The following DMRT1 variants were observed in gnomAD, a reference collection of about 807,000 sequenced individuals.
DMRT1 encodes the protein doublesex and mab-3 related transcription factor 1, also known as doublesex- and mab-3-related transcription factor 1.
Under a neutral mutation model 32.3 loss-of-function variants are expected in DMRT1, and 7 were observed. The ratio of observed to expected loss-of-function variants is 0.22; its 90% CI spans 0.12 to 0.41. The LOEUF is 0.41. Among genes scored for constraint, DMRT1 ranks in the 10% least tolerant of loss-of-function variants. The pLI is 1.00. For synonymous variants in DMRT1, 278 were observed against 206.1 expected, an observed-to-expected ratio of 1.35 and a Z score of -2.99; for missense variants, 625 against 500.5, an observed-to-expected ratio of 1.25 and a Z score of -2.37.
At chr9:844,556 T>G (rs1300098814) in intron 1 of DMRT1, among the ~76,000 whole-genome samples, 1 of 151,994 alleles carries the variant, frequency 6.6e-6, no homozygotes, top group Non-Finnish European at 1.5e-5. Context: ...TAAGCTTAAT[T>G]ATTTAATTTT....
intron 4 of DMRT1, among the ~76,000 whole-genome samples, chr9:961,217 G>A (rs1448314638): frequency 2.0e-5 from 3 of 152,110 alleles, no homozygotes; most frequent in African/African-American, 7.2e-5. Context: ...ATTCCCTTTA[G>A]TAACAACATC....
intron 2 of DMRT1, among the ~76,000 whole-genome samples, chr9:866,065 G>A (rs1564207923): frequency 6.7e-6 from 1 of 149,996 alleles, no homozygotes; most frequent in African/African-American, 2.4e-5. Context: ...TCAGGAGGCT[G>A]AGGCAGGAGA....
chr9:947,345 G>T (rs1819279571), intron 4 of DMRT1, among the ~76,000 whole-genome samples: 1 of 152,024 alleles, frequency 6.6e-6, no homozygotes, highest in African/African-American at 2.4e-5. Context: ...TTCCAATGTG[G>T]CCCAGGGAAG....
rs78134433 is a variant in DMRT1, at chr9:911,827, A to G, written c.823-4936A>G. Among the ~76,000 whole-genome samples the G allele has an allele frequency of 5.6e-3, 859 of 152,244 alleles. 12 individuals are homozygous for G. The highest frequency in any genetic ancestry group is 0.019 in the African/African-American group (784 of 41,540). On this transcript the variant is annotated intron_variant, in intron 3 of 4. Transcript: ENST00000382276. Reference sequence around the variant, plus strand: ...GTTTTAACATCCTGTTTATATTGCTACACATGCACTTAGAAACACATAGAA... The same window carrying G: ...GTTTTAACATCCTGTTTATATTGCTGCACATGCACTTAGAAACACATAGAA...
At chr9:901,450 C>G (rs563003917) in intron 3 of DMRT1, among the ~76,000 whole-genome samples, 1 of 152,188 alleles carries the variant, frequency 6.6e-6, no homozygotes, top group South Asian at 2.1e-4. Flanking sequence ...CCTCAGCCTT[C>G]CAAGTAGCTG....
intron 4 of DMRT1, among the ~76,000 whole-genome samples, chr9:918,566 A>G (rs191302386): frequency 1.8e-4 from 27 of 152,340 alleles, no homozygotes; most frequent in African/African-American, 6.5e-4. Flanking sequence ...CAGGGAAAGA[A>G]GAATAGGTGA....
chr9:894,168 G>A lies in DMRT1; in HGVS notation c.795G>A (p.Val265=), dbSNP rs775308239. 6.2e-7 allele frequency: 1 copy of A among 1,613,892 alleles called. No homozygotes were observed. Among genetic ancestry groups the A allele is most frequent in the Non-Finnish European group, 8.5e-7 (1 of 1,180,054 alleles). The part of the protein sequence containing the change: ...NSLRGLPGPY[V]PGQTGNQWQM... ...TTCGGGGCCTCCCCGGACCTTATGT[G>A]CCTGGTCAGACAGGAAACCAGTGGC... The change falls in exon 3 of 5, where the codon GTG becomes GTA. Residue 265 remains valine (V), a synonymous_variant. Transcript: ENST00000382276.
chr9:868,489 G>A (rs1341865283), intron 2 of DMRT1, among the ~76,000 whole-genome samples: 1 of 152,142 alleles, frequency 6.6e-6, no homozygotes, highest in Non-Finnish European at 1.5e-5. Flanking sequence ...GTCATTGCAA[G>A]AAGTTACCAA....
intron 1 of DMRT1, among the ~76,000 whole-genome samples, chr9:845,550 G>C (rs1388453557): frequency 2.0e-5 from 3 of 152,114 alleles, no homozygotes; most frequent in Admixed American, 2.0e-4. Context: ...GGACCATGAA[G>C]AGCTTCTTGG....
At chr9:924,096 G>T in intron 4 of DMRT1, among the ~76,000 whole-genome samples, 1 of 110,382 alleles carries the variant, frequency 9.1e-6, no homozygotes, top group African/African-American at 3.2e-5. Context: ...TTTCCACCTG[G>T]AGTCTCTCTC....
At chr9:865,663 G>C (rs907462372) in intron 2 of DMRT1, among the ~76,000 whole-genome samples, 1 of 151,962 alleles carries the variant, frequency 6.6e-6, no homozygotes, top group South Asian at 2.1e-4. Context: ...TTACATCTTT[G>C]GGTGAGGATT....
intron 4 of DMRT1, among the ~76,000 whole-genome samples, chr9:960,651 G>A (rs939307589): frequency 1.3e-5 from 2 of 152,282 alleles, no homozygotes; most frequent in South Asian, 2.1e-4. Context: ...ATTCTCAGAC[G>A]GTGGCTGCTC....
At position 894,051 on chromosome 9, in the gene DMRT1, C is replaced by T. The variant is rs1307432556; in HGVS notation, c.678C>T (p.Tyr226=). 2 of 1,614,254 alleles carry T rather than the reference C, an allele frequency of 1.2e-6. No homozygotes were observed. Among genetic ancestry groups the T allele is most frequent in the Non-Finnish European group, 8.5e-7 (1 of 1,180,046 alleles). ...TGTTTCCTTATTACAACAATCTATA[C>T]AACTGCCCGCAGTACTCCATGGCCT... ...PSLFPYYNNL[Y]NCPQYSMALA... is the part of the protein sequence containing the mutation. The change falls in exon 3 of 5, where the codon TAC becomes TAT. Residue 226 remains tyrosine, a synonymous_variant. Transcript: ENST00000382276.
chr9:924,560 C>A (rs911932206), intron 4 of DMRT1, among the ~76,000 whole-genome samples: 2 of 152,064 alleles, frequency 1.3e-5, no homozygotes, highest in African/African-American at 2.4e-5. Context: ...AGGTGCCTGG[C>A]AGTGGGCTGT....
chr9:894,587 C>T (rs1817280386), intron 3 of DMRT1: 2 of 307,282 alleles, frequency 6.5e-6, no homozygotes, highest in Non-Finnish European at 1.3e-5. Context: ...TTTGTCCCCA[C>T]TTTCGTTGGG....
chr9:958,252 C>CAT lies in DMRT1; in HGVS notation c.968-9730_968-9729dup, dbSNP rs146146778. ...ATGCAATCCTCTACCGTGCTACTAGCATATCATTTGTGCCACAATATTTAT... is the reference window on the plus strand; with the variant it reads ...ATGCAATCCTCTACCGTGCTACTAGCATATATCATTTGTGCCACAATATTTAT... On this transcript the variant is annotated intron_variant, in intron 4 of 4. Coordinates refer to ENST00000382276, the MANE Select transcript of DMRT1 (RefSeq NM_021951.3). Among the ~76,000 whole-genome samples the CAT allele has an allele frequency of 4.7e-3, 718 of 152,264 alleles. 18 individuals are homozygous for CAT. Among genetic ancestry groups the CAT allele is most frequent in the Admixed American group, 0.033 (503 of 15,284 alleles).
chr9:907,862 A>G (rs1817835490), intron 3 of DMRT1, among the ~76,000 whole-genome samples: 3 of 139,154 alleles, frequency 2.2e-5, no homozygotes, highest in Non-Finnish European at 3.1e-5. Context: ...TGTGTGTTAT[A>G]TGTATATAAC....
intron 2 of DMRT1, among the ~76,000 whole-genome samples, chr9:876,935 C>G (rs995968412): frequency 1.3e-5 from 2 of 152,150 alleles, no homozygotes; most frequent in African/African-American, 4.8e-5. Context: ...CTGCCTCAGC[C>G]ATGGTCCCAC....
rs939989302 is a variant in DMRT1 at position 841,780 on chromosome 9, C to A, written c.-59C>A. 18 of 1,560,742 alleles carry A rather than the reference C, an allele frequency of 1.2e-5. No individual in the cohort carries two copies. Among genetic ancestry groups the A allele is most frequent in the Non-Finnish European group, 1.3e-5 (15 of 1,153,382 alleles). On this transcript the variant is annotated 5_prime_UTR_variant, in exon 1 of 5. Transcript: ENST00000382276. The stretch of plus-strand genomic sequence containing the variant: ...GTCGCTGTCCGTCGGGTTCATCCCT[C>A]GCAGCAGTCTCCAGGCGAGAGAGGG...
Sources: gnomAD v4.1 joint callset for allele counts (sites outside exome capture counted in the v4.1 genomes callset) on GRCh38, gnomAD v4.1.1 for gene constraint, MANE v1.5 for transcripts, NCBI Gene and HGNC (gene_info 2026-07-23, HGNC 2026-07-21) for gene names.